Variants in SLC9A3 observed in about 807,000 individuals in gnomAD.
SLC9A3 encodes solute carrier family 9 member A3.
In SLC9A3, 37 loss-of-function variants were observed where a neutral mutation model predicts 86.8. The observed-to-expected ratio is 0.43, with a 90% confidence interval of 0.33 to 0.56. The LOEUF (loss-of-function observed/expected upper bound fraction) is 0.56, where lower values mean the gene tolerates loss of function less well. SLC9A3 is among the 20% of genes least tolerant of loss of function. SLC9A3 has a pLI of 0.06. For missense variants in SLC9A3, 1,011 were observed against 1,171.9 expected, an observed-to-expected ratio of 0.86 and a Z score of 2.00; for synonymous variants, 581 against 528.3, an observed-to-expected ratio of 1.10 and a Z score of -1.37.
In SLC9A3 at chr5:481,622, A is replaced by C; in HGVS notation, c.1460T>G (p.Ile487Ser). The stretch of plus-strand genomic sequence containing the variant: ...GGATATGTCCTCGATGGCCGAGAGG[A>C]TGTGGTCGAAAGCCTTTCAAGGGAA... ...EKLHGRAFDH[I>S]LSAIEDISGQ... is the part of the protein sequence containing the mutation. The change falls in exon 9 of 17, where the codon ATC becomes AGC. Residue 487 changes from isoleucine to serine, a missense_variant. Ile to Ser is a moderately radical substitution (Grantham distance 142). Transcript: ENST00000264938. 6.2e-7 allele frequency: 1 copy of C among 1,613,936 alleles called. No individual in the cohort carries two copies. Among genetic ancestry groups the C allele is most frequent in the Non-Finnish European group, 8.5e-7 (1 of 1,179,872 alleles).
In SLC9A3 at chr5:497,321, C is replaced by T. The variant is rs980965137; in HGVS notation, c.212-5250G>A. Among the ~76,000 whole-genome samples the T allele has an allele frequency of 3.3e-5, 5 of 152,162 alleles. No individual in the cohort carries two copies. Among genetic ancestry groups the T allele is most frequent in the South Asian group, 2.1e-4 (1 of 4,828 alleles). On this transcript the variant is annotated intron_variant, in intron 1 of 16. Coordinates refer to ENST00000264938, the MANE Select transcript of SLC9A3 (RefSeq NM_004174.4). The surrounding 1 kb of genome is among the most constrained non-coding windows in gnomAD (Gnocchi z 5.4). ...AATTCCCTCCAGGTGCAGGAGTCGA[C>T]GCCCCCCACTGCCCTCGAAACCTGG...
chr5:488,024 C>G (rs564721481), intron 3 of SLC9A3, among the ~76,000 whole-genome samples: 1 of 152,366 alleles, frequency 6.6e-6, no homozygotes, highest in Non-Finnish European at 1.5e-5. Context: ...GGTCCAAAGT[C>G]ACAGACGCTC....
chr5:477,576 G>A (rs2278253), intron 10 of SLC9A3, 132 bp from the exon 11 acceptor site: 237,608 of 588,862 alleles, frequency 0.4, 50,135 homozygotes, highest in African/African-American at 0.63. Context: ...CCGGGTTCAC[G>A]CCTCACAGCT....
At chr5:475,876 G>T in intron 14 of SLC9A3, 144 bp downstream of exon 14, 1 of 771,908 alleles carries the variant, frequency 1.3e-6, no homozygotes, top group Non-Finnish European at 2.1e-6. Flanking sequence ...TGCAGCTGGG[G>T]CCCTGACCAT....
chr5:489,419 G>A (rs1739622620), intron 2 of SLC9A3, among the ~76,000 whole-genome samples: 1 of 152,182 alleles, frequency 6.6e-6, no homozygotes, highest in South Asian at 2.1e-4. Context: ...GGCTCGGGCT[G>A]AGGAGGGGTT....
At chr5:499,881 C>T (rs1305675049) in intron 1 of SLC9A3, among the ~76,000 whole-genome samples, 1 of 152,274 alleles carries the variant, frequency 6.6e-6, no homozygotes, top group Non-Finnish European at 1.5e-5. Flanking sequence ...CTCAAGCCAG[C>T]ATGGCTACAG....
intron 2 of SLC9A3, among the ~76,000 whole-genome samples, chr5:490,366 C>A (rs367998059): frequency 6.6e-6 from 1 of 151,912 alleles, no homozygotes; most frequent in Admixed American, 6.6e-5. Flanking sequence ...CCAGGGGTGA[C>A]GTCCTGGTGT....
rs1401386964 is a variant in SLC9A3, at chr5:472,701, G to A, written c.*678C>T. ...TACCTGCAGTTCAAAGACCTGGCGA[G>A]GGCCTGGAAACGGCGCTCGGCCCAG... is the stretch of plus-strand genomic sequence containing the variant. On this transcript the variant is annotated 3_prime_UTR_variant, in exon 17 of 17. Transcript: ENST00000264938. 5 of 543,162 alleles carry A rather than the reference G, an allele frequency of 9.2e-6. No homozygotes were observed. Among genetic ancestry groups the A allele is most frequent in the Non-Finnish European group, 1.8e-5 (5 of 282,996 alleles). The allele number at this position is 543,162 out of a possible 1,614,324, so 33.6% of individuals were successfully genotyped here.
chr5:481,662 T>C, intron 8 of SLC9A3, 27 bp from the exon 9 acceptor site: 1 of 1,603,968 alleles, frequency 6.2e-7, no homozygotes, highest in Non-Finnish European at 8.5e-7. Flanking sequence ...GACATGAGCG[T>C]CTCGGGGCGG....
At chr5:488,706 A>G (rs1739583409) in intron 2 of SLC9A3, among the ~76,000 whole-genome samples, 1 of 152,246 alleles carries the variant, frequency 6.6e-6, no homozygotes, top group African/African-American at 2.4e-5. Flanking sequence ...AGACAGACAG[A>G]CTGACCCTGG....
intron 4 of SLC9A3, 104 bp from the exon 5 acceptor site, chr5:484,801 G>T: frequency 9.2e-7 from 1 of 1,082,594 alleles, no homozygotes; most frequent in Non-Finnish European, 1.4e-6. Flanking sequence ...GGGAAACGGG[G>T]GTGGATCCCT....
chr5:501,849 T>C lies in SLC9A3; in HGVS notation c.212-9778A>G, dbSNP rs375104452. Among the ~76,000 whole-genome samples the C allele has an allele frequency of 8.8e-4, 134 of 152,228 alleles. 13 individuals are homozygous for C. In the East Asian group the frequency reaches 0.014, roughly 16 times the overall value. Reference sequence around the variant, plus strand: ...GTGCCTGCGTGACCCCACGCGTCCCTGCCTGCGGGTGCAGTTCCCCGTGAG... The same window carrying C: ...GTGCCTGCGTGACCCCACGCGTCCCCGCCTGCGGGTGCAGTTCCCCGTGAG... On this transcript the variant is annotated intron_variant, in intron 1 of 16. Coordinates refer to ENST00000264938, the MANE Select transcript of SLC9A3 (RefSeq NM_004174.4).
chr5:485,173 A>G lies in SLC9A3; in HGVS notation c.734T>C (p.Val245Ala), dbSNP rs768497172. The G allele has an allele frequency of 1.9e-6, 3 of 1,613,802 alleles. No individual in the cohort carries two copies. In the South Asian group the frequency reaches 3.3e-5, roughly 18 times the overall value. ...CACACCTATGCCCTTCACGCAGTCC[A>G]CGCCAGTCACGTTGTCACCTCCCAG... is the stretch of plus-strand genomic sequence containing the variant. ...VALGGDNVTGVDCVKGIVSFF... is the reference protein window; with the variant it reads ...VALGGDNVTGADCVKGIVSFF... Residue 245 changes from valine (V) to alanine (A), a missense_variant, in exon 4 of 17, where the codon GTG becomes GCG. Physicochemically the swap from Val to Ala is moderately conservative, Grantham distance 64. Transcript: ENST00000264938.
In SLC9A3 at chr5:473,214, C is replaced by T; in HGVS notation, c.*165G>A. ...CGGCTCTGCGGGCGCAGGCGCGGCA[C>T]TCTCGGAGTTCTGCGCAGGCGCTGG... On this transcript the variant is annotated 3_prime_UTR_variant, in exon 17 of 17. Coordinates refer to ENST00000264938, the MANE Select transcript of SLC9A3 (RefSeq NM_004174.4). The T allele has an allele frequency of 1.4e-6, 1 of 734,218 alleles. No individual in the cohort carries two copies. Among genetic ancestry groups the T allele is most frequent in the Non-Finnish European group, 1.8e-6 (1 of 547,038 alleles). 45.5% of individuals were successfully genotyped at this position (734,218 alleles called of 1,614,324 possible).
At chr5:481,033 GCC>G in intron 9 of SLC9A3, 1 of 153,354 alleles carries the variant, frequency 6.5e-6, no homozygotes, top group African/African-American at 2.4e-5. Context: ...GGGATTACAG[GCC>G]CACGCCACCA....
chr5:514,176 A>G (rs1250318570), intron 1 of SLC9A3, among the ~76,000 whole-genome samples: 1 of 152,236 alleles, frequency 6.6e-6, no homozygotes, highest in African/African-American at 2.4e-5. Context: ...TCTTGAGAAA[A>G]CCAGGATTAA....
rs1389406480 is a variant in SLC9A3, at chr5:473,375, G to T, written c.*4C>A. 4.2e-6 allele frequency: 6 copies of T among 1,416,094 alleles called. No homozygotes were observed. The highest frequency in any genetic ancestry group is 2.8e-6 in the Non-Finnish European group (3 of 1,077,844). 87.7% of individuals were successfully genotyped at this position (1,416,094 alleles called of 1,614,324 possible). Reference sequence around the variant, plus strand: ...GGCCGGTTAGCGGCGTGTCGGAGCCGGTGTCACCTGCGGGAGAGGAAGGCG... The same window carrying T: ...GGCCGGTTAGCGGCGTGTCGGAGCCTGTGTCACCTGCGGGAGAGGAAGGCG... On this transcript the variant is annotated 3_prime_UTR_variant, in exon 17 of 17. Transcript: ENST00000264938.
intron 1 of SLC9A3, among the ~76,000 whole-genome samples, chr5:513,753 G>A (rs1036625206): frequency 6.6e-6 from 1 of 152,206 alleles, no homozygotes; most frequent in African/African-American, 2.4e-5. Context: ...CCCCTGTGAT[G>A]GTACACAGTA....
At chr5:475,485 T>G in intron 15 of SLC9A3, 76 bp downstream of exon 15, 1 of 868,006 alleles carries the variant, frequency 1.2e-6, no homozygotes, top group Non-Finnish European at 1.9e-6. Context: ...GTGCCCCTGG[T>G]CCAATGACCG....
Sources: allele counts gnomAD v4.1 joint callset (sites outside exome capture counted in the v4.1 genomes callset), GRCh38; gene constraint gnomAD v4.1.1; non-coding constraint Gnocchi (gnomAD v3.1); transcripts MANE v1.5; gene names NCBI Gene and HGNC (gene_info 2026-07-23, HGNC 2026-07-21).